Variants in CCDC154 observed in about 807,000 individuals in gnomAD.
CCDC154 encodes coiled-coil domain-containing protein 154.
In CCDC154, 91 loss-of-function variants were observed where a neutral mutation model predicts 87.5. The ratio of observed to expected loss-of-function variants is 1.04; its 90% CI spans 0.88 to 1.24. The LOEUF (loss-of-function observed/expected upper bound fraction) is 1.24, where lower values mean the gene tolerates loss of function less well. CCDC154 is among the 50% of genes most tolerant of loss of function. The probability of loss-of-function intolerance (pLI) is 0.00; values close to 1 mark genes in which losing one functional copy is unlikely to be tolerated. For missense variants in CCDC154, 903 were observed against 879.2 expected, an observed-to-expected ratio of 1.03 and a Z score of -0.34; for synonymous variants, 418 against 400.4, an observed-to-expected ratio of 1.04 and a Z score of -0.52.
At chr16:1,441,243 G>C (rs1567258856) in intron 6 of CCDC154, among the ~76,000 whole-genome samples, 1 of 152,184 alleles carries the variant, frequency 6.6e-6, no homozygotes, top group African/African-American at 2.4e-5. Context: ...GGCACCTTGG[G>C]AATCCTCAGC....
rs1238917365 is a variant in CCDC154 at position 1,437,961 on chromosome 16, G to A, written c.1153-7C>T. 4 of 1,543,214 alleles carry A rather than the reference G, an allele frequency of 2.6e-6. No homozygotes were observed. Among genetic ancestry groups the A allele is most frequent in the Non-Finnish European group, 3.5e-6 (4 of 1,142,624 alleles). On this transcript the variant is annotated splice_polypyrimidine_tract_variant and splice_region_variant and intron_variant, in intron 10 of 16. Coordinates refer to ENST00000389176, the MANE Select transcript of CCDC154 (RefSeq NM_001143980.3). ...CCCGGCTCTTCTCTCGGAGCTGCAG[G>A]GGACAGGTGGGCACGGGGAGGCCTG...
chr16:1,436,099 G>C lies in CCDC154; in HGVS notation c.1488-13C>G. On this transcript the variant is annotated splice_polypyrimidine_tract_variant and intron_variant, in intron 13 of 16. Transcript: ENST00000389176. ...AACCTTGAACTCCCTATGGGCACCA[G>C]AGGCCGAGGCTGGCTGTCGGGTGTG... is the stretch of plus-strand genomic sequence containing the variant. 1 of 1,546,912 alleles carries C rather than the reference G, an allele frequency of 6.5e-7. No individual in the cohort carries two copies. Among genetic ancestry groups the C allele is most frequent in the Non-Finnish European group, 8.7e-7 (1 of 1,144,174 alleles).
chr16:1,437,624 C>A, intron 11 of CCDC154, 193 bp downstream of exon 11: 1 of 637,204 alleles, frequency 1.6e-6, no homozygotes, highest in Non-Finnish European at 2.5e-6. Context: ...CGAGGCTGCT[C>A]AGCGGCTGTC....
At chr16:1,434,896 G>A (rs764580025) in intron 15 of CCDC154, 44 bp from the exon 16 acceptor site, 58 of 1,464,980 alleles carry the variant, frequency 4.0e-5, no homozygotes, top group Middle Eastern at 2.5e-4. Flanking sequence ...CCAGACCTCC[G>A]GGCAGGGGAT....
At position 1,435,950 on chromosome 16, in the gene CCDC154, C is replaced by T. The variant is rs1305837984; in HGVS notation, c.1605+19G>A. ...GCTCCCCCTCTCTCCCAGCTGGGTG[C>T]GGGCAGCCCCAGGACTACCGTGGCC... is the stretch of plus-strand genomic sequence containing the variant. On this transcript the variant is annotated intron_variant, in intron 14 of 16. Transcript: ENST00000389176. The T allele has an allele frequency of 7.8e-6, 12 of 1,537,742 alleles. No individual in the cohort carries two copies. Among genetic ancestry groups the T allele is most frequent in the Admixed American group, 5.9e-5 (3 of 50,918 alleles).
chr16:1,437,093 G>A (rs896557799), intron 11 of CCDC154: 19 of 468,898 alleles, frequency 4.1e-5, no homozygotes, highest in East Asian at 2.6e-4. Flanking sequence ...ACCCAGCCCC[G>A]AAACGCAGGG....
chr16:1,442,520 C>G lies in CCDC154; in HGVS notation c.561G>C (p.Lys187Asn). 6.5e-7 allele frequency: 1 copy of G among 1,544,418 alleles called. No individual in the cohort carries two copies. The highest frequency in any genetic ancestry group is 2.5e-5 in the East Asian group (1 of 40,804). The change falls in exon 6 of 17, where the codon AAG becomes AAC. Residue 187 changes from lysine (K) to asparagine (N), a missense_variant. Physicochemically the swap from Lys to Asn is moderately conservative, Grantham distance 94. Transcript: ENST00000389176. Reference protein sequence around the residue: ...AEQEAGLRLAKLTDLLQQEEQ... With the variant: ...AEQEAGLRLANLTDLLQQEEQ... ...CCTCCTGCTGCAGCAAGTCGGTCAG[C>G]TTGGCCAGTCTAGAGAAGTCGGCTG...
At position 1,443,850 on chromosome 16, in the gene CCDC154, G is replaced by A. The variant is rs932034293; in HGVS notation, c.170C>T (p.Thr57Met). 35 of 1,304,262 alleles carry A rather than the reference G, an allele frequency of 2.7e-5. No individual in the cohort carries two copies. The highest frequency in any genetic ancestry group is 3.0e-5 in the African/African-American group (2 of 65,906). The allele number at this position is 1,304,262 out of a possible 1,614,324, so 80.8% of individuals were successfully genotyped here. A position where few individuals can be genotyped will look rare whatever the true frequency, so the allele number is the denominator to read the frequency against. The change falls in exon 2 of 17, where the codon ACG becomes ATG. Residue 57 changes from threonine to methionine, a missense_variant. Thr to Met is a moderately conservative substitution (Grantham distance 81). Coordinates refer to ENST00000389176, the MANE Select transcript of CCDC154 (RefSeq NM_001143980.3). ...ERYESSHPTS[T>M]ASVPEQDTAK... ...GGTGTCCTGCTCGGGGACAGAGGCC[G>A]TGGATGTCGGATGGCTGGACTCATA... is the stretch of plus-strand genomic sequence containing the variant.
intron 6 of CCDC154, among the ~76,000 whole-genome samples, chr16:1,440,825 C>T (rs1163106473): frequency 1.3e-5 from 2 of 151,676 alleles, no homozygotes; most frequent in African/African-American, 4.9e-5. Flanking sequence ...GTGGTGGGCG[C>T]CTGTAGTCCC....
chr16:1,443,377 C>T (rs2038574848), intron 3 of CCDC154, 76 bp from the exon 4 acceptor site: 3 of 1,496,378 alleles, frequency 2.0e-6, no homozygotes, highest in African/African-American at 1.4e-5. Context: ...CCACCCAGCT[C>T]CGGCACCACT....
At position 1,434,749 on chromosome 16, in the gene CCDC154, A is replaced by C. The variant is rs1193543642; in HGVS notation, c.1796T>G (p.Val599Gly). 2.6e-6 allele frequency: 4 copies of C among 1,545,792 alleles called. No homozygotes were observed. The highest frequency in any genetic ancestry group is 3.5e-6 in the Non-Finnish European group (4 of 1,146,784). Reference sequence around the variant, plus strand: ...GTCCTTGATGAAGACCCGCGGCCTCACCAGGGATGGGAGCGCCTTCCAGCT... The same window carrying C: ...GTCCTTGATGAAGACCCGCGGCCTCCCCAGGGATGGGAGCGCCTTCCAGCT... ...LGSWKALPSL[V>G]RPRVFIKDMA... The change falls in exon 16 of 17, where the codon GTG becomes GGG. Residue 599 changes from valine (V) to glycine (G), a missense_variant. Transcript: ENST00000389176.
In CCDC154 at chr16:1,442,932, G is replaced by C. The variant is rs2038567062; in HGVS notation, c.499C>G (p.Gln167Glu). Residue 167 changes from glutamine (Q) to glutamate (E), a missense_variant, in exon 5 of 17, where the codon CAG (glutamine) becomes GAG (glutamate). By Grantham distance (29) the Gln-to-Glu change is conservative (BLOSUM62 2). Coordinates refer to ENST00000389176, the MANE Select transcript of CCDC154 (RefSeq NM_001143980.3). ...CTTCTCTCCGCCTCCTGTTGCACCT[G>C]CCTCCTCCTGAGCCGGGTCAAGGCT... is the stretch of plus-strand genomic sequence containing the variant. ...REALTRLRRR[Q>E]VQQEAERRGA... The C allele has an allele frequency of 1.3e-6, 2 of 1,550,048 alleles. No individual in the cohort carries two copies. Among genetic ancestry groups the C allele is most frequent in the Non-Finnish European group, 1.7e-6 (2 of 1,146,840 alleles).
intron 6 of CCDC154, among the ~76,000 whole-genome samples, chr16:1,441,759 C>A (rs4786410): frequency 0.42 from 63,999 of 151,462 alleles, 13,963 homozygotes; most frequent in Admixed American, 0.47. Flanking sequence ...CTGCAGCTGC[C>A]GGCCCCACGT....
rs8054054 is a variant in CCDC154 at position 1,438,645 on chromosome 16, A to G, written c.999T>C (p.Arg333=). 753,204 of 1,549,658 alleles carry G rather than the reference A, an allele frequency of 0.49. 188,804 individuals are homozygous for G. Among genetic ancestry groups the G allele is most frequent in the African/African-American group, 0.76 (55,823 of 73,106 alleles). The change falls in exon 9 of 17, where the codon CGT becomes CGC. Residue 333 remains arginine (R), a synonymous_variant. Transcript: ENST00000389176. ...FVQQNQASLN[R]VLLAEEKAWD... is the part of the protein sequence containing the mutation. ...AGGCTTTCTCCTCGGCCAGTAGGAC[A>G]CGGTTCAGCGACGCCTGGTTCTGCT...
At chr16:1,436,244 G>T (rs1042619429) in intron 13 of CCDC154, among the ~76,000 whole-genome samples, 158 bp from the exon 14 acceptor site, 1 of 149,290 alleles carries the variant, frequency 6.7e-6, no homozygotes, top group African/African-American at 2.6e-5. Flanking sequence ...GGTCCCCAAC[G>T]GGGGGTAGAG....
rs774717005 is a variant in CCDC154, at chr16:1,442,982, C to A, written c.456-7G>T. 139 of 1,549,876 alleles carry A rather than the reference C, an allele frequency of 9.0e-5. 1 individual carries two copies. Among genetic ancestry groups the A allele is most frequent in the South Asian group, 2.6e-4 (22 of 84,066 alleles). ...TTCCCGGACCTCCACCAGCCTGGGA[C>A]ACAACAAGCCATTCCCGAGAGGCCC... On this transcript the variant is annotated splice_polypyrimidine_tract_variant and splice_region_variant and intron_variant, in intron 4 of 16. Transcript: ENST00000389176.
chr16:1,441,728 T>C (rs368933179), intron 6 of CCDC154, among the ~76,000 whole-genome samples: 1 of 152,106 alleles, frequency 6.6e-6, no homozygotes, highest in Non-Finnish European at 1.5e-5. Flanking sequence ...GGCAGCTTCC[T>C]GGGACGAAGA....
In CCDC154 at chr16:1,434,454, T is replaced by C. The variant is rs61743495; in HGVS notation, c.1958A>G (p.Gln653Arg). Residue 653 changes from glutamine to arginine, a missense_variant, in exon 17 of 17, where the codon CAG becomes CGG. Physicochemically the swap from Gln to Arg is conservative, Grantham distance 43. Transcript: ENST00000389176. ...PGGVLEKPHS[Q>R]EQVQQLTPSL... ...GGGTGTGAGCTGCTGCACCTGCTCCTGGCTGTGGGGCTTCTCCAGGACCCC... is the reference window on the plus strand; with the variant it reads ...GGGTGTGAGCTGCTGCACCTGCTCCCGGCTGTGGGGCTTCTCCAGGACCCC... 75,696 of 1,550,228 alleles carry C rather than the reference T, an allele frequency of 0.049. 2,452 individuals are homozygous for C. Among genetic ancestry groups the C allele is most frequent in the African/African-American group, 0.13 (9,703 of 73,138 alleles).
In CCDC154 at chr16:1,438,757, G is replaced by T. The variant is rs765115110; in HGVS notation, c.907-20C>A. 2 of 1,547,450 alleles carry T rather than the reference G, an allele frequency of 1.3e-6. No individual in the cohort carries two copies. The highest frequency in any genetic ancestry group is 8.7e-7 in the Non-Finnish European group (1 of 1,145,750). On this transcript the variant is annotated intron_variant, in intron 8 of 16. Coordinates refer to ENST00000389176, the MANE Select transcript of CCDC154 (RefSeq NM_001143980.3). The stretch of plus-strand genomic sequence containing the variant: ...GCTCTCCTGCCAGGGGGTGGAGGCC[G>T]CCCTGAGACCTGCACCCCGGCCCCG...
Sources: allele counts gnomAD v4.1 joint callset (sites outside exome capture counted in the v4.1 genomes callset), GRCh38; gene constraint gnomAD v4.1.1; transcripts MANE v1.5; gene names NCBI Gene and HGNC (gene_info 2026-07-23, HGNC 2026-07-21).